Variants in CPA6 observed in about 807,000 individuals in gnomAD.
CPA6 encodes carboxypeptidase B.
Under a neutral mutation model 63.3 loss-of-function variants are expected in CPA6, and 58 were observed. That is an observed-to-expected ratio of 0.92 (90% CI 0.74 to 1.14). The LOEUF is 1.14. Ranked by LOEUF, CPA6 falls within the 50% of genes most tolerant of loss-of-function variation. The pLI is 0.00. For missense variants in CPA6, 565 were observed against 526.6 expected (o/e 1.07, Z -0.71); for synonymous variants, 185 against 179.0 (o/e 1.03, Z -0.27).
chr8:67,540,474 G>A (rs1428881619), intron 2 of CPA6, among the ~76,000 whole-genome samples: 2 of 152,208 alleles, frequency 1.3e-5, no homozygotes, highest in Non-Finnish European at 2.9e-5. Context: ...CAGTCAGGTG[G>A]CATGGGGGTC....
intron 1 of CPA6, among the ~76,000 whole-genome samples, chr8:67,672,983 A>G (rs1816382615): frequency 6.6e-6 from 1 of 152,186 alleles, no homozygotes; most frequent in African/African-American, 2.4e-5. Flanking sequence ...TGGGGGCAAT[A>G]GCAAATTCTA....
intron 1 of CPA6, among the ~76,000 whole-genome samples, chr8:67,656,581 C>T (rs188744901): frequency 1.8e-3 from 277 of 152,250 alleles, no homozygotes; most frequent in African/African-American, 5.8e-3. Flanking sequence ...AAAGAGTTCT[C>T]AAGTTCATGT....
At chr8:67,665,538 CTCT>C (rs1816207875) in intron 1 of CPA6, among the ~76,000 whole-genome samples, 1 of 152,118 alleles carries the variant, frequency 6.6e-6, no homozygotes, top group African/African-American at 2.4e-5. Context: ...AGTAGAAAAC[CTCT>C]TCAAGTTGAT....
chr8:67,459,032 T>C (rs145356487), intron 8 of CPA6, among the ~76,000 whole-genome samples: 1 of 152,376 alleles, frequency 6.6e-6, no homozygotes. Context: ...CCAGCAATTA[T>C]GCTCCTTGCA....
intron 2 of CPA6, among the ~76,000 whole-genome samples, chr8:67,621,949 G>A (rs1162625159): frequency 6.6e-6 from 1 of 152,182 alleles, no homozygotes; most frequent in Non-Finnish European, 1.5e-5. Context: ...AGTGCCAGCA[G>A]CCCTATTTAC....
intron 1 of CPA6, among the ~76,000 whole-genome samples, chr8:67,656,322 G>A (rs1815983268): frequency 6.6e-6 from 1 of 152,110 alleles, no homozygotes; most frequent in Non-Finnish European, 1.5e-5. Flanking sequence ...TTGATTTAAA[G>A]TAGTTTCTAT....
intron 8 of CPA6, among the ~76,000 whole-genome samples, chr8:67,479,351 G>T (rs921083846): frequency 9.2e-5 from 14 of 152,108 alleles, no homozygotes; most frequent in Admixed American, 4.6e-4. Flanking sequence ...GCCTCAAATT[G>T]CCACATTTCT....
intron 8 of CPA6, among the ~76,000 whole-genome samples, chr8:67,463,570 C>T (rs1195932003): frequency 6.6e-6 from 1 of 152,104 alleles, no homozygotes; most frequent in South Asian, 2.1e-4. Context: ...ATGTTTGCTA[C>T]CTGAGTATGT....
At chr8:67,713,159 G>T (rs1817308569) in intron 1 of CPA6, among the ~76,000 whole-genome samples, 1 of 127,740 alleles carries the variant, frequency 7.8e-6, no homozygotes, top group Admixed American at 9.1e-5. Context: ...TTCAGTACTA[G>T]CCTCAGTTTC....
intron 1 of CPA6, among the ~76,000 whole-genome samples, chr8:67,646,077 G>T (rs764820462): frequency 7.9e-5 from 12 of 152,188 alleles, no homozygotes; most frequent in Non-Finnish European, 1.3e-4. Flanking sequence ...GATCTCTGAA[G>T]AACCTCTAAC....
At chr8:67,525,823 G>A (rs894006001) in intron 2 of CPA6, among the ~76,000 whole-genome samples, 11 of 152,104 alleles carry the variant, frequency 7.2e-5, no homozygotes, top group African/African-American at 1.9e-4. Flanking sequence ...GCTAAATAAC[G>A]TGTACACAGA....
intron 10 of CPA6, among the ~76,000 whole-genome samples, chr8:67,423,129 G>A (rs1391347114): frequency 6.6e-6 from 1 of 151,908 alleles, no homozygotes; most frequent in East Asian, 1.9e-4. Flanking sequence ...CTGTCACCCA[G>A]GCTGGAGTGC....
intron 6 of CPA6, among the ~76,000 whole-genome samples, chr8:67,490,650 G>A (rs1424587347): frequency 1.3e-5 from 2 of 152,198 alleles, no homozygotes; most frequent in Non-Finnish European, 2.9e-5. Context: ...GACATAGAAT[G>A]AATCTATTTG....
chr8:67,671,072 T>G (rs79987621), intron 1 of CPA6, among the ~76,000 whole-genome samples: 5,315 of 152,322 alleles, frequency 0.035, 121 homozygotes, highest in Non-Finnish European at 0.047. Context: ...ATAGTATTTT[T>G]CTATCCACTG....
intron 1 of CPA6, among the ~76,000 whole-genome samples, chr8:67,725,711 G>A (rs867473385): frequency 2.0e-5 from 3 of 152,046 alleles, no homozygotes; most frequent in Admixed American, 2.0e-4. Flanking sequence ...TTTTTGTAGA[G>A]ACAAGGTATT....
chr8:67,692,200 G>A (rs974892594), intron 1 of CPA6, among the ~76,000 whole-genome samples: 24 of 152,148 alleles, frequency 1.6e-4, no homozygotes, highest in African/African-American at 5.1e-4. Flanking sequence ...GCCGGGCATG[G>A]TGGCGCATGC....
At chr8:67,463,473 AATAGATAAATAAAAG>A (rs200619342) in intron 8 of CPA6, among the ~76,000 whole-genome samples, 1 of 145,374 alleles carries the variant, frequency 6.9e-6, no homozygotes, top group Admixed American at 6.8e-5. Flanking sequence ...TAAATAAATA[AATAGATAAATAAAAG>A]AAGAATTCTA....
chr8:67,492,489 A>G (rs554643314), intron 6 of CPA6, among the ~76,000 whole-genome samples: 30 of 152,186 alleles, frequency 2.0e-4, no homozygotes, highest in Non-Finnish European at 2.5e-4. Context: ...TTTTTTTACA[A>G]AGAAATAAGA....
intron 8 of CPA6, among the ~76,000 whole-genome samples, chr8:67,448,664 G>GAAAAAAAAAAAAA (rs1810487222): frequency 3.0e-5 from 2 of 66,460 alleles, no homozygotes; most frequent in African/African-American, 1.7e-4. Flanking sequence ...AGGAAAGAAC[G>GAAAAAAAAAAAAA]AAAAAGAAAA....
Sources: allele counts gnomAD v4.1 joint callset (sites outside exome capture counted in the v4.1 genomes callset), GRCh38; gene constraint gnomAD v4.1.1; transcripts MANE v1.5; gene names NCBI Gene and HGNC (gene_info 2026-07-23, HGNC 2026-07-21).